ACSL5: variants seen among roughly 807,000 people sequenced by gnomAD.
The protein encoded by ACSL5 is long-chain-fatty-acid--CoA ligase 5.
A neutral mutation model predicts 84.9 loss-of-function variants in ACSL5; 50 were observed. The observed-to-expected ratio is 0.59, with a 90% CI of 0.47 to 0.75. The LOEUF (loss-of-function observed/expected upper bound fraction) is 0.75. ACSL5 is among the 30% of genes least tolerant of loss of function. The pLI, the probability that ACSL5 is intolerant of heterozygous loss-of-function variation, is 0.00. For missense variants in ACSL5, 775 were observed against 830.4 expected (o/e 0.93, Z 0.82); for synonymous variants, 280 against 300.7 (o/e 0.93, Z 0.71).
chr10:112,408,356 CT>C, intron 5 of ACSL5, 65 bp from the exon 6 acceptor site: 1 of 1,008,804 alleles, frequency 9.9e-7, no homozygotes, highest in Non-Finnish European at 1.5e-6. Context: ...CATTTGTTGG[CT>C]GAATGACTGA....
chr10:112,377,360 C>T (rs144299589), intron 1 of ACSL5, among the ~76,000 whole-genome samples: 2 of 152,080 alleles, frequency 1.3e-5, no homozygotes, highest in African/African-American at 2.4e-5. Flanking sequence ...GCCAACATGG[C>T]GAAACCCCAT....
Position 112,399,026 on chromosome 10 carries a change from G to C in ACSL5, c.265+17G>C. 6.2e-7 allele frequency: 1 copy of C among 1,601,224 alleles called. No homozygotes were observed. The highest frequency in any genetic ancestry group is 8.6e-7 in the Non-Finnish European group (1 of 1,168,518). Reference sequence around the variant, plus strand: ...CTGTGTCTGGTAAGCCTGGTGGTCTGTCCTTGCCTGAAGAAGACAAGGTGA... The same window carrying C: ...CTGTGTCTGGTAAGCCTGGTGGTCTCTCCTTGCCTGAAGAAGACAAGGTGA... On this transcript the variant is annotated intron_variant, in intron 3 of 20. Transcript: ENST00000354655.
chr10:112,425,733 T>A (rs1279923482), intron 18 of ACSL5: 1 of 354,548 alleles, frequency 2.8e-6, no homozygotes, highest in East Asian at 4.7e-5. Flanking sequence ...AGGTAATGAT[T>A]CAGTAAAAAA....
rs1215805127 is a variant in ACSL5 at position 112,374,277 on chromosome 10, G to T, written c.-30+8G>T. 1 of 152,180 alleles carries T rather than the reference G, an allele frequency of 6.6e-6. No homozygotes were observed. The highest frequency in any genetic ancestry group is 1.9e-4 in the East Asian group (1 of 5,186). The allele number at this position is 152,180 out of a possible 1,614,324, so 9.4% of individuals were successfully genotyped here. A position where few individuals can be genotyped will look rare whatever the true frequency, so the allele number is the denominator to read the frequency against. ...GGAGAGTCTTCTTCCAAGGTAAGCT[G>T]CAATGATACTACCTGCACTATATTG... On this transcript the variant is annotated splice_region_variant and intron_variant, in intron 1 of 20. Coordinates refer to ENST00000354655, the MANE Select transcript of ACSL5 (RefSeq NM_203379.2).
chr10:112,406,676 T>C (rs1298513880), intron 5 of ACSL5: 1 of 152,230 alleles, frequency 6.6e-6, no homozygotes, highest in Admixed American at 6.5e-5. Flanking sequence ...TACCTGAGAC[T>C]GGGTAATTTA....
chr10:112,425,535 T>C, intron 18 of ACSL5, 54 bp downstream of exon 18: 1 of 1,432,324 alleles, frequency 7.0e-7, no homozygotes, highest in Non-Finnish European at 9.3e-7. Context: ...TGCTGGTTCT[T>C]GTAGCTACAG....
At chr10:112,410,657 C>T (rs890243608) in intron 9 of ACSL5, 22 bp downstream of exon 9, 2 of 1,608,572 alleles carry the variant, frequency 1.2e-6, no homozygotes, top group African/African-American at 1.3e-5. Context: ...TGAAACTGAA[C>T]CTTAGACCCC....
intron 19 of ACSL5, 181 bp from the exon 20 acceptor site, chr10:112,426,607 C>T (rs1342268651): frequency 3.1e-6 from 2 of 636,078 alleles, no homozygotes; most frequent in Non-Finnish European, 5.5e-6. Context: ...ACTGTTAACA[C>T]TTAGATGTGC....
chr10:112,374,626 G>C (rs1417908488), intron 1 of ACSL5, among the ~76,000 whole-genome samples: 1 of 152,228 alleles, frequency 6.6e-6, no homozygotes, highest in Non-Finnish European at 1.5e-5. Flanking sequence ...TCGTGCGTCA[G>C]CTGCTGAGGG....
At chr10:112,395,554 C>A (rs568202704) in intron 2 of ACSL5, among the ~76,000 whole-genome samples, 5 of 152,096 alleles carry the variant, frequency 3.3e-5, no homozygotes, top group Non-Finnish European at 7.4e-5. Flanking sequence ...CATTGAGATA[C>A]CCAGTGTCTG....
Position 112,390,487 on chromosome 10 carries a change from G to C in ACSL5, c.-29-4431G>C, listed in dbSNP as rs550042948. Among the ~76,000 whole-genome samples, 4 of 152,278 alleles carry C rather than the reference G, an allele frequency of 2.6e-5. No individual in the cohort carries two copies. The East Asian group carries it at 7.7e-4, about 29-fold the overall frequency. On this transcript the variant is annotated intron_variant, in intron 1 of 20. Coordinates refer to ENST00000354655, the MANE Select transcript of ACSL5 (RefSeq NM_203379.2). Reference sequence around the variant, plus strand: ...AAACACTTTGGTGGTTCCGCAAAAAGTTAAATATAAAATTCGCATTGACTC... The same window carrying C: ...AAACACTTTGGTGGTTCCGCAAAAACTTAAATATAAAATTCGCATTGACTC...
chr10:112,385,267 G>C (rs1412060582), intron 1 of ACSL5, among the ~76,000 whole-genome samples: 1 of 152,124 alleles, frequency 6.6e-6, no homozygotes, highest in Non-Finnish European at 1.5e-5. Flanking sequence ...TCTGCCCCAG[G>C]TCACAAAGAA....
intron 2 of ACSL5, among the ~76,000 whole-genome samples, chr10:112,396,962 T>C (rs1843760595): frequency 6.6e-6 from 1 of 152,194 alleles, no homozygotes; most frequent in South Asian, 2.1e-4. Context: ...TGTTTTCCTG[T>C]ACTTTTATAG....
In ACSL5 at chr10:112,404,698, T is replaced by C. The variant is rs1843989322; in HGVS notation, c.331-7T>C. Reference sequence around the variant, plus strand: ...TCTCTCTCTCACCCCATCTCTCTTTTTTGTAGGTGTCTGATAGAGCAGAGT... The same window carrying C: ...TCTCTCTCTCACCCCATCTCTCTTTCTTGTAGGTGTCTGATAGAGCAGAGT... On this transcript the variant is annotated splice_region_variant and splice_polypyrimidine_tract_variant and intron_variant, in intron 4 of 20. Transcript: ENST00000354655. 1 of 1,613,122 alleles carries C rather than the reference T, an allele frequency of 6.2e-7. No homozygotes were observed. The highest frequency in any genetic ancestry group is 1.1e-5 in the South Asian group (1 of 91,006).
intron 17 of ACSL5, chr10:112,424,823 C>G (rs1844607799): frequency 6.6e-6 from 1 of 152,246 alleles, no homozygotes; most frequent in Non-Finnish European, 1.5e-5. Context: ...CCTCTCAGCC[C>G]TGTTGCTGTC....
Position 112,394,863 on chromosome 10 carries a change from G to A in ACSL5, c.-29-55G>A, listed in dbSNP as rs763008479. On this transcript the variant is annotated intron_variant, in intron 1 of 20. Coordinates refer to ENST00000354655, the MANE Select transcript of ACSL5 (RefSeq NM_203379.2). ...CCTTCTGAAAACATAGAGCTATTGA[G>A]TACAAAAATATGGCCATTTCCTCTA... 8 of 1,594,070 alleles carry A rather than the reference G, an allele frequency of 5.0e-6. No individual in the cohort carries two copies. In the East Asian group the frequency reaches 1.8e-4, roughly 36 times the overall value.
chr10:112,423,004 C>T (rs1189112171), intron 17 of ACSL5, among the ~76,000 whole-genome samples: 6 of 146,524 alleles, frequency 4.1e-5, no homozygotes, highest in Admixed American at 7.0e-5. Context: ...CTGGCTAACA[C>T]GGTGAAACCC....
chr10:112,406,595 T>A (rs1467832874), intron 5 of ACSL5: 1 of 152,256 alleles, frequency 6.6e-6, no homozygotes, highest in African/African-American at 2.4e-5. Context: ...GTCTTCAAGC[T>A]TGCTAATGTG....
chr10:112,391,103 G>A (rs1031829534), intron 1 of ACSL5, among the ~76,000 whole-genome samples: 9 of 152,178 alleles, frequency 5.9e-5, no homozygotes, highest in African/African-American at 2.2e-4. Context: ...GAAGGGCCAG[G>A]TGCAATGGCT....
Sources: allele counts gnomAD v4.1 joint callset (sites outside exome capture counted in the v4.1 genomes callset), GRCh38; gene constraint gnomAD v4.1.1; transcripts MANE v1.5; gene names NCBI Gene and HGNC (gene_info 2026-07-23, HGNC 2026-07-21).